Variants in KDM4C observed in about 807,000 individuals in gnomAD.
KDM4C encodes the protein lysine-specific demethylase 4C.
Under a neutral mutation model 129.3 loss-of-function variants are expected in KDM4C, and 81 were observed. The ratio of observed to expected loss-of-function variants is 0.63; its 90% CI spans 0.52 to 0.75. The LOEUF (loss-of-function observed/expected upper bound fraction) is 0.75. Ranked by LOEUF, KDM4C falls within the 30% of genes least tolerant of loss-of-function variation. The probability of loss-of-function intolerance (pLI) is 0.00; values close to 1 mark genes in which losing one functional copy is unlikely to be tolerated. For missense variants in KDM4C, 1,457 were observed against 1,304.0 expected (o/e 1.12, Z -1.81); for synonymous variants, 573 against 456.1 (o/e 1.26, Z -3.26).
rs71315578 is a variant in KDM4C at position 7,117,626 on chromosome 9, T to TACACACAC, written c.2611-10405_2611-10398dup. Among the ~76,000 whole-genome samples, 956 of 147,000 alleles carry TACACACAC rather than the reference T, an allele frequency of 6.5e-3. 10 individuals carry two copies. The highest frequency in any genetic ancestry group is 7.8e-3 in the South Asian group (34 of 4,386). On this transcript the variant is annotated intron_variant, in intron 18 of 21. Transcript: ENST00000381309. ...ATTTTAGAATCATCTTGTTAATTTC[T>TACACACAC]ACACACACACACACACACACACACA...
intron 17 of KDM4C, among the ~76,000 whole-genome samples, chr9:7,098,078 C>T (rs1431246093): frequency 6.6e-6 from 1 of 152,220 alleles, no homozygotes; most frequent in East Asian, 1.9e-4. Context: ...TAGTACTTTT[C>T]ACAAATCATT....
chr9:6,967,464 A>T (rs1182572900), intron 8 of KDM4C, among the ~76,000 whole-genome samples: 2 of 151,910 alleles, frequency 1.3e-5, no homozygotes, highest in African/African-American at 4.8e-5. Context: ...TTGAGAAAGG[A>T]AGATATGCAA....
chr9:6,826,940 A>G (rs1335533189), intron 4 of KDM4C, among the ~76,000 whole-genome samples: 1 of 152,180 alleles, frequency 6.6e-6, no homozygotes, highest in African/African-American at 2.4e-5. Flanking sequence ...GGTAGAGGAA[A>G]GCAGATAAAT....
intron 12 of KDM4C, among the ~76,000 whole-genome samples, chr9:6,996,976 T>C (rs1819869524): frequency 1.3e-5 from 2 of 152,158 alleles, no homozygotes; most frequent in African/African-American, 4.8e-5. Flanking sequence ...ACAACTTTTA[T>C]ACTTGCATAG....
At chr9:6,894,603 T>A (rs889214796) in intron 8 of KDM4C, among the ~76,000 whole-genome samples, 1 of 152,236 alleles carries the variant, frequency 6.6e-6, no homozygotes, top group African/African-American at 2.4e-5. Context: ...AATACAGGTC[T>A]CAGAAGTAGC....
chr9:7,160,263 C>T (rs558985597), intron 19 of KDM4C, among the ~76,000 whole-genome samples: 1 of 152,238 alleles, frequency 6.6e-6, no homozygotes, highest in African/African-American at 2.4e-5. Context: ...AGCTTCCTTG[C>T]GATGGGTTTG....
chr9:7,026,054 A>C, intron 15 of KDM4C, among the ~76,000 whole-genome samples: 1 of 152,008 alleles, frequency 6.6e-6, no homozygotes, highest in East Asian at 1.9e-4. Flanking sequence ...AAAATATAAA[A>C]AATTAGTTGG....
rs369746679 is a variant in KDM4C at position 6,922,611 on chromosome 9, G to A, written c.921+29379G>A. Among the ~76,000 whole-genome samples, 225 of 152,328 alleles carry A rather than the reference G, an allele frequency of 1.5e-3. 6 individuals are homozygous for A. In the South Asian group the frequency reaches 0.047, roughly 32 times the overall value. On this transcript the variant is annotated intron_variant, in intron 8 of 21. Coordinates refer to ENST00000381309, the MANE Select transcript of KDM4C (RefSeq NM_015061.6). ...AAAATACAAAAATTAGTTGAATGTGGTGGCCCGTGCCTGTAGTCTCATCTA... is the reference window on the plus strand; with the variant it reads ...AAAATACAAAAATTAGTTGAATGTGATGGCCCGTGCCTGTAGTCTCATCTA...
At chr9:6,963,155 G>A (rs1047673442) in intron 8 of KDM4C, among the ~76,000 whole-genome samples, 5 of 152,194 alleles carry the variant, frequency 3.3e-5, no homozygotes, top group South Asian at 4.1e-4. Flanking sequence ...GTTAAATGCA[G>A]TGTACTTAGA....
At chr9:7,054,093 A>T (rs1384583493) in intron 17 of KDM4C, among the ~76,000 whole-genome samples, 1 of 152,242 alleles carries the variant, frequency 6.6e-6, no homozygotes, top group Non-Finnish European at 1.5e-5. Context: ...TATTACTGCA[A>T]ACCCCTTCCC....
rs994101920 is a variant in KDM4C at position 6,908,655 on chromosome 9, C to T, written c.921+15423C>T. ...TTGTAGCACTGACTTAGCAAAGAGG[C>T]CTCTTTTTGCTAAGTTTCTGAGGTG... On this transcript the variant is annotated intron_variant, in intron 8 of 21. Coordinates refer to ENST00000381309, the MANE Select transcript of KDM4C (RefSeq NM_015061.6). Among the ~76,000 whole-genome samples the T allele has an allele frequency of 8.0e-4, 121 of 151,460 alleles. No homozygotes were observed. In the Middle Eastern group the frequency reaches 0.017, roughly 21 times the overall value.
intron 17 of KDM4C, among the ~76,000 whole-genome samples, chr9:7,063,107 A>C (rs897488012): frequency 4.6e-5 from 7 of 152,366 alleles, no homozygotes; most frequent in African/African-American, 1.7e-4. Context: ...AGCAAAAAAT[A>C]GAATTTGCCA....
intron 1 of KDM4C, among the ~76,000 whole-genome samples, chr9:6,785,292 C>G (rs1014861036): frequency 9.9e-5 from 15 of 151,742 alleles, no homozygotes; most frequent in Admixed American, 7.9e-4. Context: ...GTCCCTGCCT[C>G]CATCTTCACA....
chr9:7,053,195 T>A (rs1367182260), intron 17 of KDM4C, among the ~76,000 whole-genome samples: 1 of 152,192 alleles, frequency 6.6e-6, no homozygotes, highest in Non-Finnish European at 1.5e-5. Flanking sequence ...TTAGCAGTCT[T>A]TCTAGAATAT....
chr9:6,815,930 G>A (rs1385447126), intron 4 of KDM4C, among the ~76,000 whole-genome samples: 1 of 152,066 alleles, frequency 6.6e-6, no homozygotes, highest in Non-Finnish European at 1.5e-5. Context: ...GTATGATGCA[G>A]GCATCACGAT....
chr9:6,813,613 A>G (rs1312513688), intron 3 of KDM4C, among the ~76,000 whole-genome samples: 9 of 151,984 alleles, frequency 5.9e-5, no homozygotes, highest in Admixed American at 3.9e-4. Flanking sequence ...TTATATTCTC[A>G]TTTGTTTCTT....
chr9:6,834,924 ACGGGGT>A lies in KDM4C; in HGVS notation c.436-14581_436-14576del, dbSNP rs1835595817. 8 of 1,158,924 alleles carry A rather than the reference ACGGGGT, an allele frequency of 6.9e-6. No individual in the cohort carries two copies. The African/African-American group carries it at 1.2e-4, about 18-fold the overall frequency. The allele number at this position is 1,158,924 out of a possible 1,614,324, so 71.8% of individuals were successfully genotyped here. A position where few individuals can be genotyped will look rare whatever the true frequency, so the allele number is the denominator to read the frequency against. On this transcript the variant is annotated intron_variant, in intron 4 of 21. Coordinates refer to ENST00000381309, the MANE Select transcript of KDM4C (RefSeq NM_015061.6). ...ACTGGTACCGTGATGGACTCCGGTG[ACGGGGT>A]CACCCACAGTGTGCCCATCTGCGAG...
intron 1 of KDM4C, among the ~76,000 whole-genome samples, chr9:6,739,927 G>C (rs1175417442): frequency 6.6e-6 from 1 of 152,116 alleles, no homozygotes; most frequent in South Asian, 2.1e-4. Context: ...GTCTCACTCT[G>C]TTGCCAGGCT....
chr9:7,003,857 A>T (rs1481853077), intron 12 of KDM4C, among the ~76,000 whole-genome samples: 1 of 152,206 alleles, frequency 6.6e-6, no homozygotes, highest in African/African-American at 2.4e-5. Context: ...TAAAGTTCCC[A>T]AGTTTGAATC....
Sources: gnomAD v4.1 joint callset for allele counts (sites outside exome capture counted in the v4.1 genomes callset) on GRCh38, gnomAD v4.1.1 for gene constraint, MANE v1.5 for transcripts, NCBI Gene and HGNC (gene_info 2026-07-23, HGNC 2026-07-21) for gene names.